ADH1B: variants seen among roughly 807,000 people sequenced by gnomAD.
The protein encoded by ADH1B is alcohol dehydrogenase 1B (class I), beta polypeptide, also known as all-trans-retinol dehydrogenase [NAD(+)] ADH1B.
ADH1B carries 29 observed loss-of-function variants against 34.6 expected under a neutral mutation model. That is an observed-to-expected ratio of 0.84 (90% CI 0.62 to 1.14). The LOEUF (loss-of-function observed/expected upper bound fraction) is 1.14, where lower values mean the gene tolerates loss of function less well. Ranked by LOEUF, ADH1B falls within the 50% of genes most tolerant of loss-of-function variation. The probability of loss-of-function intolerance (pLI) is 0.00; values close to 1 mark genes in which losing one functional copy is unlikely to be tolerated. For synonymous variants in ADH1B, 170 were observed against 175.5 expected (o/e 0.97, Z 0.25); for missense variants, 424 against 468.4 (o/e 0.91, Z 0.87).
intron 1 of ADH1B, among the ~76,000 whole-genome samples, 199 bp downstream of exon 1, chr4:99,321,115 C>T (rs955637086): frequency 9.2e-5 from 14 of 152,076 alleles, no homozygotes; most frequent in African/African-American, 2.2e-4. Context: ...CTATACATTC[C>T]TGTTAAAGGT....
intron 3 of ADH1B, chr4:99,317,043 A>T (rs1733904137): frequency 6.6e-6 from 1 of 152,130 alleles, no homozygotes. Context: ...TAAGGCTGTC[A>T]TTTTGTTGTT....
At chr4:99,319,110 G>T (rs1474868080) in intron 1 of ADH1B, 1 of 629,236 alleles carries the variant, frequency 1.6e-6, no homozygotes. Context: ...TGAGAAAAAT[G>T]GAATATATTT....
intron 6 of ADH1B, among the ~76,000 whole-genome samples, chr4:99,312,616 CTGTT>C (rs1244321197): frequency 1.3e-5 from 2 of 152,134 alleles, no homozygotes; most frequent in Non-Finnish European, 2.9e-5. Flanking sequence ...ATATTTGTAA[CTGTT>C]TGGAAGAAAT....
rs779511679 is a variant in ADH1B, at chr4:99,315,892, TC to T, written c.567+5del. ...AAGCAGTTTTATCACCCATTGTCAT[TC>T]TCACCTTGGCAACGTTAACTGCAGA... On this transcript the variant is annotated splice_donor_5th_base_variant and intron_variant, in intron 5 of 8. Coordinates refer to ENST00000305046, the MANE Select transcript of ADH1B (RefSeq NM_000668.6). 2.5e-5 allele frequency: 40 copies of T among 1,614,072 alleles called. No individual in the cohort carries two copies. The African/African-American group carries it at 4.9e-4, about 20-fold the overall frequency.
chr4:99,309,310 T>G (rs1055411618), intron 8 of ADH1B, among the ~76,000 whole-genome samples: 5 of 152,176 alleles, frequency 3.3e-5, no homozygotes, highest in Non-Finnish European at 5.9e-5. Context: ...CAAATTGCTT[T>G]TCCAAAAGTA....
intron 2 of ADH1B, 83 bp downstream of exon 2, chr4:99,318,702 A>G (rs1733948328): frequency 7.7e-7 from 1 of 1,291,574 alleles, no homozygotes; most frequent in East Asian, 2.4e-5. Flanking sequence ...TATGCCTCTT[A>G]GTGGATTTTT....
Position 99,307,744 on chromosome 4 carries a change from G to T in ADH1B, c.*96C>A. ...TGTGTAATTTATTGATAACATCTCT[G>T]AAGAGCTGAATTAATGATATTTCCT... On this transcript the variant is annotated 3_prime_UTR_variant, in exon 9 of 9. Coordinates refer to ENST00000305046, the MANE Select transcript of ADH1B (RefSeq NM_000668.6). 1.4e-6 allele frequency: 2 copies of T among 1,414,314 alleles called. No individual in the cohort carries two copies. The highest frequency in any genetic ancestry group is 2.0e-6 in the Non-Finnish European group (2 of 1,004,722). The allele number at this position is 1,414,314 out of a possible 1,614,324, so 87.6% of individuals were successfully genotyped here. A position where few individuals can be genotyped will look rare whatever the true frequency, so the allele number is the denominator to read the frequency against.
intron 8 of ADH1B, chr4:99,310,258 CAAAAGA>C (rs985254934): frequency 1.0e-4 from 35 of 340,682 alleles, no homozygotes; most frequent in South Asian, 5.8e-4. Flanking sequence ...TCTTAAACTA[CAAAAGA>C]AAAAGAAAAA....
At position 99,320,814 on chromosome 4, in the gene ADH1B, A is replaced by G. The variant is rs140755830; in HGVS notation, c.18+500T>C. On this transcript the variant is annotated intron_variant, in intron 1 of 8. Coordinates refer to ENST00000305046, the MANE Select transcript of ADH1B (RefSeq NM_000668.6). ...TAACCTTGATGATTCTAATGCTGTG[A>G]AATCAATGAGTATTTTGTAAGATAT... 8.9e-5 allele frequency: 107 copies of G among 1,208,484 alleles called. No individual in the cohort carries two copies. In the African/African-American group the frequency reaches 1.7e-3, roughly 19 times the overall value. 74.9% of individuals were successfully genotyped at this position (1,208,484 alleles called of 1,614,324 possible).
chr4:99,309,217 A>G (rs1391774945), intron 8 of ADH1B, among the ~76,000 whole-genome samples: 2 of 152,054 alleles, frequency 1.3e-5, no homozygotes, highest in Non-Finnish European at 2.9e-5. Flanking sequence ...CTAGTTGATT[A>G]TTTCTGTAGA....
chr4:99,313,718 C>T (rs908790517), intron 6 of ADH1B, 103 bp downstream of exon 6: 17 of 1,568,024 alleles, frequency 1.1e-5, no homozygotes, highest in African/African-American at 1.4e-5. Context: ...AATTTCCATT[C>T]ATCATTAAAA....
At chr4:99,319,301 T>G (rs774183523) in intron 1 of ADH1B, 7 of 248,126 alleles carry the variant, frequency 2.8e-5, no homozygotes, top group African/African-American at 4.6e-5. Flanking sequence ...GCTTTATTGC[T>G]CAATTTTCTG....
In ADH1B at chr4:99,314,053, A is replaced by C. The variant is rs750389182; in HGVS notation, c.596T>G (p.Phe199Cys). 1.5e-5 allele frequency: 24 copies of C among 1,614,092 alleles called. No homozygotes were observed. The East Asian group carries it at 5.3e-4, about 36-fold the overall frequency. Residue 199 changes from phenylalanine to cysteine, a missense_variant, in exon 6 of 9, where the codon TTT becomes TGT. Around this residue, in one of 3 missense-constraint regions of ADH1B, gnomAD observed 291 missense variants for 300.4 expected, o/e 0.97. Coordinates refer to ENST00000305046, the MANE Select transcript of ADH1B (RefSeq NM_000668.6). ...KVTPGSTCAV[F>C]GLGGVGLSAV... Reference sequence around the variant, plus strand: ...AGATAGGCCGACCCCTCCCAGGCCAAACACAGCACAGGTAGAGCCTGGGGT... The same window carrying C: ...AGATAGGCCGACCCCTCCCAGGCCACACACAGCACAGGTAGAGCCTGGGGT...
At position 99,321,399 on chromosome 4, in the gene ADH1B, C is replaced by A. The variant is rs1434816129; in HGVS notation, c.-68G>T. 4 of 1,453,366 alleles carry A rather than the reference C, an allele frequency of 2.8e-6. No individual in the cohort carries two copies. In the African/African-American group the frequency reaches 5.6e-5, roughly 20 times the overall value. The allele number at this position is 1,453,366 out of a possible 1,614,324, so 90.0% of individuals were successfully genotyped here. On this transcript the variant is annotated 5_prime_UTR_variant, in exon 1 of 9. The change abolishes an upstream ATG in the 5' untranslated region. Transcript: ENST00000305046. ...TGTGGATTTCTTCTCTGCTTGAGTGCATAAAGCAGATATATTGCACAGATA... is the reference window on the plus strand; with the variant it reads ...TGTGGATTTCTTCTCTGCTTGAGTGAATAAAGCAGATATATTGCACAGATA...
At position 99,316,236 on chromosome 4, in the gene ADH1B, C is replaced by A. The variant is rs560773951; in HGVS notation, c.326G>T (p.Ser109Ile). The A allele has an allele frequency of 3.0e-5, 48 of 1,614,092 alleles. No homozygotes were observed. The highest frequency in any genetic ancestry group is 4.0e-5 in the Non-Finnish European group (47 of 1,180,044). Residue 109 changes from serine (S) to isoleucine (I), a missense_variant, in exon 4 of 9, where the codon AGC becomes ATC. Physicochemically the swap from Ser to Ile is moderately radical, Grantham distance 142. Transcript: ENST00000305046. ...GKCRVCKNPE[S>I]NYCLKNDLGN... is the part of the protein sequence containing the mutation. ...CTACTCATTTTTCAAGCAGTAGTTGCTCTCCGGGTTTTTACAAACTCTGCA... is the reference window on the plus strand; with the variant it reads ...CTACTCATTTTTCAAGCAGTAGTTGATCTCCGGGTTTTTACAAACTCTGCA...
intron 8 of ADH1B, 49 bp downstream of exon 8, chr4:99,310,716 C>A (rs1445167656): frequency 1.3e-6 from 2 of 1,583,926 alleles, no homozygotes; most frequent in Non-Finnish European, 1.7e-6. Context: ...GCTAGACAAT[C>A]CCCTATGGTA....
Position 99,307,111 on chromosome 4 carries a change from T to A in ADH1B, c.*729A>T, listed in dbSNP as rs1416036554. ...ATTACAGATTTTTTGAACATGATTC[T>A]GGGAATAGTTCAGTTTTTACAATTA... On this transcript the variant is annotated 3_prime_UTR_variant, in exon 9 of 9. Transcript: ENST00000305046. The A allele has an allele frequency of 6.6e-6, 1 of 152,250 alleles. No individual in the cohort carries two copies. The highest frequency in any genetic ancestry group is 2.4e-5 in the African/African-American group (1 of 41,468). 9.4% of individuals were successfully genotyped at this position (152,250 alleles called of 1,614,324 possible). A position where few individuals can be genotyped will look rare whatever the true frequency, so the allele number is the denominator to read the frequency against.
chr4:99,315,484 T>C (rs1473161972), intron 5 of ADH1B: 5 of 265,912 alleles, frequency 1.9e-5, no homozygotes, highest in Admixed American at 1.5e-4. Context: ...ATCCTATTTC[T>C]GGGAGGAGAG....
rs60025902 is a variant in ADH1B at position 99,305,229 on chromosome 4, T to C, written c.*2611A>G. 1 of 151,804 alleles carries C rather than the reference T, an allele frequency of 6.6e-6. No individual in the cohort carries two copies. The highest frequency in any genetic ancestry group is 1.5e-5 in the Non-Finnish European group (1 of 67,982). The allele number at this position is 151,804 out of a possible 1,614,324, so 9.4% of individuals were successfully genotyped here. On this transcript the variant is annotated 3_prime_UTR_variant, in exon 9 of 9. Transcript: ENST00000305046. ...CTTATCTATATTTTTAGATTATTTG[T>C]TTATACCAGAATTTGAAATTTTTCT...
Sources: allele counts gnomAD v4.1 joint callset (sites outside exome capture counted in the v4.1 genomes callset), GRCh38; gene constraint gnomAD v4.1.1; regional missense constraint gnomAD v4.1.1; transcripts MANE v1.5; gene names NCBI Gene and HGNC (gene_info 2026-07-23, HGNC 2026-07-21).